DPYD: variants seen among roughly 807,000 people sequenced by gnomAD.
The protein encoded by DPYD is dihydropyrimidine dehydrogenase [NADP(+)].
DPYD carries 109 observed loss-of-function variants against 116.2 expected under a neutral mutation model. That is an observed-to-expected ratio of 0.94 (90% confidence interval 0.80 to 1.10). The LOEUF is 1.10. Among genes scored for constraint, DPYD ranks in the 50% least tolerant of loss-of-function variants. DPYD has a pLI of 0.00. For synonymous variants in DPYD, 440 were observed against 432.0 expected (o/e 1.02, Z -0.23); for missense variants, 1,302 against 1,254.5 (o/e 1.04, Z -0.57).
intron 1 of DPYD, among the ~76,000 whole-genome samples, chr1:97,915,053 C>T (rs1674147864): frequency 6.6e-6 from 1 of 152,068 alleles, no homozygotes; most frequent in African/African-American, 2.4e-5. Flanking sequence ...ATTAAAAAAG[C>T]ATATATTTAT....
At chr1:97,581,613 G>A (rs2102212240) in intron 10 of DPYD, among the ~76,000 whole-genome samples, 1 of 151,772 alleles carries the variant, frequency 6.6e-6, no homozygotes, top group South Asian at 2.1e-4. Context: ...AGGTATGGTG[G>A]CATCTGCCTG....
chr1:97,535,371 G>A (rs868706514), intron 12 of DPYD, among the ~76,000 whole-genome samples: 18 of 152,200 alleles, frequency 1.2e-4, no homozygotes, highest in African/African-American at 3.1e-4. Flanking sequence ...GCATTAGAGC[G>A]CTGAAAATTT....
intron 8 of DPYD, among the ~76,000 whole-genome samples, chr1:97,625,162 CTTGAT>C (rs1482438484): frequency 2.6e-5 from 4 of 152,028 alleles, no homozygotes; most frequent in African/African-American, 9.7e-5. Flanking sequence ...TGTTAACTAG[CTTGAT>C]TTAATTGTAC....
intron 20 of DPYD, among the ~76,000 whole-genome samples, chr1:97,163,116 C>A (rs1259549615): frequency 4.0e-5 from 6 of 151,508 alleles, no homozygotes. Context: ...GCAACAAAAG[C>A]CAAAATTGAC....
chr1:97,881,493 G>T (rs1464254852), intron 2 of DPYD, among the ~76,000 whole-genome samples: 1 of 151,964 alleles, frequency 6.6e-6, no homozygotes, highest in African/African-American at 2.4e-5. Context: ...TATTGTCAAA[G>T]ATATTGTCAA....
chr1:97,576,228 C>G (rs1214429294), intron 10 of DPYD, among the ~76,000 whole-genome samples: 2 of 152,078 alleles, frequency 1.3e-5, no homozygotes, highest in Non-Finnish European at 2.9e-5. Context: ...TTCAAAATGT[C>G]AAGTGGTGCT....
At chr1:97,682,164 C>G (rs939500278) in intron 7 of DPYD, among the ~76,000 whole-genome samples, 3 of 151,980 alleles carry the variant, frequency 2.0e-5, no homozygotes, top group Non-Finnish European at 4.4e-5. Flanking sequence ...TGATTCTACT[C>G]TAATACACAA....
chr1:97,529,111 C>T (rs527424902), intron 12 of DPYD, among the ~76,000 whole-genome samples: 2 of 152,080 alleles, frequency 1.3e-5, no homozygotes, highest in South Asian at 2.1e-4. Flanking sequence ...CTGATGTATT[C>T]TTTTTCCATA....
intron 1 of DPYD, among the ~76,000 whole-genome samples, chr1:97,912,199 G>GGC (rs1553259093): frequency 6.6e-6 from 1 of 152,004 alleles, no homozygotes; most frequent in Non-Finnish European, 1.5e-5. Flanking sequence ...GCATGCAAAC[G>GGC]AGAACGGCAG....
At chr1:97,837,905 A>G (rs1669845494) in intron 2 of DPYD, among the ~76,000 whole-genome samples, 1 of 152,142 alleles carries the variant, frequency 6.6e-6, no homozygotes. Context: ...TTCCAACAGC[A>G]CAGACACTTG....
chr1:97,705,279 C>A (rs1661863780), intron 5 of DPYD, among the ~76,000 whole-genome samples: 1 of 152,020 alleles, frequency 6.6e-6, no homozygotes, highest in African/African-American at 2.4e-5. Context: ...CTATCCCTCC[C>A]CGCTCCCCCC....
At chr1:97,551,738 A>C (rs1198769720) in intron 11 of DPYD, among the ~76,000 whole-genome samples, 2 of 152,094 alleles carry the variant, frequency 1.3e-5, no homozygotes. Context: ...AGAGTCAAAG[A>C]CATGTTTACA....
At chr1:97,489,882 T>C (rs1010183379) in intron 13 of DPYD, among the ~76,000 whole-genome samples, 6 of 152,216 alleles carry the variant, frequency 3.9e-5, no homozygotes, top group African/African-American at 2.4e-5. Flanking sequence ...CAAGTATTAA[T>C]ACTTTATTAA....
chr1:97,399,673 A>C (rs1673243442), intron 14 of DPYD, among the ~76,000 whole-genome samples: 1 of 152,046 alleles, frequency 6.6e-6, no homozygotes, highest in Non-Finnish European at 1.5e-5. Flanking sequence ...CATCCCTTGT[A>C]AGTTGGATTC....
intron 11 of DPYD, among the ~76,000 whole-genome samples, chr1:97,568,174 C>T (rs1652665217): frequency 6.6e-6 from 1 of 151,818 alleles, no homozygotes; most frequent in South Asian, 2.1e-4. Flanking sequence ...AATGTATGAG[C>T]ATCTGCTTCA....
chr1:97,588,598 G>A (rs1654301352), intron 10 of DPYD, among the ~76,000 whole-genome samples: 1 of 152,118 alleles, frequency 6.6e-6, no homozygotes, highest in South Asian at 2.1e-4. Flanking sequence ...GTTATCCTGT[G>A]AAATTTAATC....
chr1:97,194,360 C>T (rs953505954), intron 19 of DPYD, among the ~76,000 whole-genome samples: 1 of 152,088 alleles, frequency 6.6e-6, no homozygotes, highest in African/African-American at 2.4e-5. Flanking sequence ...CTTCTCCTTC[C>T]TACCACCATG....
At chr1:97,616,460 G>C (rs1158119797) in intron 8 of DPYD, among the ~76,000 whole-genome samples, 4 of 152,104 alleles carry the variant, frequency 2.6e-5, no homozygotes, top group Non-Finnish European at 5.9e-5. Context: ...TTTTGAGACA[G>C]ATAGGATTAC....
chr1:97,783,735 A>C (rs1203690838), intron 3 of DPYD, among the ~76,000 whole-genome samples: 1 of 152,208 alleles, frequency 6.6e-6, no homozygotes, highest in African/African-American at 2.4e-5. Context: ...ATCATTTACC[A>C]GAGGTCATGA....
Sources: gnomAD v4.1 joint callset for allele counts (sites outside exome capture counted in the v4.1 genomes callset) on GRCh38, gnomAD v4.1.1 for gene constraint, MANE v1.5 for transcripts, NCBI Gene and HGNC (gene_info 2026-07-23, HGNC 2026-07-21) for gene names.